The following LPAR6 variants were observed in gnomAD, a reference collection of about 807,000 sequenced individuals.
LPAR6 encodes the protein lysophosphatidic acid receptor 6.
Under a neutral mutation model 22.0 loss-of-function variants are expected in LPAR6, and 17 were observed. The ratio of observed to expected loss-of-function variants is 0.77; its 90% CI spans 0.53 to 1.16. The LOEUF is 1.16. Ranked by LOEUF, LPAR6 falls within the 50% of genes most tolerant of loss-of-function variation. The pLI is 0.00. For synonymous variants in LPAR6, 136 were observed against 139.8 expected (o/e 0.97, Z 0.19); for missense variants, 384 against 406.9 (o/e 0.94, Z 0.48).
At chr13:48,392,142 G>A (rs959785503) in intron 1 of LPAR6, among the ~76,000 whole-genome samples, 7 of 149,918 alleles carry the variant, frequency 4.7e-5, no homozygotes, top group East Asian at 4.0e-4. Context: ...ATGAAGCCTC[G>A]CTCTTTTGCC....
At chr13:48,410,613 A>G (rs1948785457), downstream of LPAR6, among the ~76,000 whole-genome samples, 1 of 152,174 alleles carries the variant, frequency 6.6e-6, no homozygotes, top group African/African-American at 2.4e-5. Flanking sequence ...CTCTGGTAGT[A>G]TTTTATTTTT....
intron 1 of LPAR6, among the ~76,000 whole-genome samples, chr13:48,392,890 G>GTATTCCTTTC (rs1172912206): frequency 1.3e-5 from 2 of 151,716 alleles, no homozygotes; most frequent in Non-Finnish European, 2.9e-5. Flanking sequence ...TCACTATTTT[G>GTATTCCTTTC]ACCTGTGTTT....
At chr13:48,420,303 A>T (rs1469938051) in intron 2 of LPAR6, among the ~76,000 whole-genome samples, 1 of 152,234 alleles carries the variant, frequency 6.6e-6, no homozygotes, top group Non-Finnish European at 1.5e-5. Flanking sequence ...TTATGTCAAT[A>T]GATGCAGAAA....
intron 1 of LPAR6, among the ~76,000 whole-genome samples, chr13:48,390,729 A>T (rs982240928): frequency 6.6e-6 from 1 of 152,174 alleles, no homozygotes; most frequent in Non-Finnish European, 1.5e-5. Context: ...TATCCCTCGT[A>T]ATATTGTTTG....
chr13:48,405,923 C>T (rs980061032), intron 1 of LPAR6, among the ~76,000 whole-genome samples: 8 of 152,008 alleles, frequency 5.3e-5, no homozygotes, highest in African/African-American at 1.9e-4. Flanking sequence ...TTTCATTTAA[C>T]ACTACCTTCT....
chr13:48,413,871 G>A (rs1948861384), upstream of LPAR6, among the ~76,000 whole-genome samples: 1 of 151,982 alleles, frequency 6.6e-6, no homozygotes, highest in African/African-American at 2.4e-5. Context: ...TTGAAATAAG[G>A]TTTAGAGAAT....
At chr13:48,441,064 T>G (rs1257207595) in intron 1 of LPAR6, among the ~76,000 whole-genome samples, 1 of 152,218 alleles carries the variant, frequency 6.6e-6, no homozygotes, top group Non-Finnish European at 1.5e-5. Context: ...CAGTCTGCTT[T>G]AACAAAATAC....
At chr13:48,429,053 G>A (rs1490822513), upstream of LPAR6, among the ~76,000 whole-genome samples, 3 of 152,142 alleles carry the variant, frequency 2.0e-5, no homozygotes, top group African/African-American at 4.8e-5. Flanking sequence ...GTGAAATTGT[G>A]TGTGTATTAA....
At position 48,411,927 on chromosome 13, in the gene LPAR6, T is replaced by G. The variant is rs1318485114; in HGVS notation, c.497A>C (p.Glu166Ala). 6.2e-7 allele frequency: 1 copy of G among 1,612,760 alleles called. No individual in the cohort carries two copies. The highest frequency in any genetic ancestry group is 1.1e-5 in the South Asian group (1 of 90,988). Reference protein sequence around the residue: ...STHSQGNNASEACFENFPEAT... With the variant: ...STHSQGNNASAACFENFPEAT... ...TTCTGGAAAATTTTCAAAGCAGGCT[T>G]CTGAGGCATTGTTACCCTGAGAGTG... The change falls in exon 1 of 1, where the codon GAA (glutamate) becomes GCA (alanine). Residue 166 changes from glutamate (E) to alanine (A), a missense_variant. By Grantham distance (107) the Glu-to-Ala change is moderately radical. Coordinates refer to ENST00000620633, the MANE Select transcript of LPAR6 (RefSeq NM_001162498.3).
At chr13:48,425,684 C>T (rs2138261439) in intron 1 of LPAR6, among the ~76,000 whole-genome samples, 1 of 150,390 alleles carries the variant, frequency 6.6e-6, no homozygotes, top group East Asian at 1.9e-4. Flanking sequence ...GAGTCCTCAA[C>T]TCTTAAAGGA....
chr13:48,406,110 G>GTGTGTA (rs1402985514), downstream of LPAR6, among the ~76,000 whole-genome samples: 10 of 151,792 alleles, frequency 6.6e-5, no homozygotes, highest in Admixed American at 1.3e-4. Context: ...GTGTGTGTGT[G>GTGTGTA]TGTATGTATG....
chr13:48,399,417 G>A (rs945282434), intron 1 of LPAR6, among the ~76,000 whole-genome samples: 1 of 151,862 alleles, frequency 6.6e-6, no homozygotes, highest in Non-Finnish European at 1.5e-5. Flanking sequence ...AGATAGATAA[G>A]CAGAAAGAAT....
At chr13:48,393,988 T>C (rs1050014128) in intron 1 of LPAR6, among the ~76,000 whole-genome samples, 1 of 152,092 alleles carries the variant, frequency 6.6e-6, no homozygotes, top group Non-Finnish European at 1.5e-5. Flanking sequence ...ACAGCTCTGG[T>C]CTGCAGCTGC....
chr13:48,416,363 A>G (rs991474833), upstream of LPAR6: 1 of 152,292 alleles, frequency 6.6e-6, no homozygotes, highest in African/African-American at 2.4e-5. Flanking sequence ...AAGGGAAGCC[A>G]TGAGGGAATG....
intron 1 of LPAR6, among the ~76,000 whole-genome samples, chr13:48,401,748 C>T (rs1014824162): frequency 2.0e-5 from 3 of 152,090 alleles, no homozygotes; most frequent in Non-Finnish European, 4.4e-5. Flanking sequence ...GATAAGGAAA[C>T]GTAGAATAGG....
intron 1 of LPAR6, among the ~76,000 whole-genome samples, chr13:48,426,022 T>C (rs1341578574): frequency 6.6e-6 from 1 of 152,150 alleles, no homozygotes; most frequent in Non-Finnish European, 1.5e-5. Flanking sequence ...AATGAAAGAA[T>C]ACAACTTAGT....
At chr13:48,391,908 C>T (rs1047884535) in intron 1 of LPAR6, among the ~76,000 whole-genome samples, 2 of 152,148 alleles carry the variant, frequency 1.3e-5, no homozygotes, top group African/African-American at 4.8e-5. Context: ...GCATGAGCCA[C>T]CGCACCCAGC....
upstream of LPAR6, among the ~76,000 whole-genome samples, chr13:48,430,651 A>G (rs1436367564): frequency 2.0e-5 from 3 of 152,128 alleles, no homozygotes; most frequent in Non-Finnish European, 4.4e-5. Context: ...GAGGCAGGAG[A>G]ATGGCTTGAA....
chr13:48,417,535 C>T (rs1456837896), upstream of LPAR6, among the ~76,000 whole-genome samples: 1 of 152,118 alleles, frequency 6.6e-6, no homozygotes, highest in Non-Finnish European at 1.5e-5. Context: ...CAAAGAATCA[C>T]AACTCCTCGC....
Sources: allele counts gnomAD v4.1 joint callset (sites outside exome capture counted in the v4.1 genomes callset), GRCh38; gene constraint gnomAD v4.1.1; transcripts MANE v1.5; gene names NCBI Gene and HGNC (gene_info 2026-07-23, HGNC 2026-07-21).